Variants in CHD3 observed in about 807,000 individuals in gnomAD.
CHD3 encodes the protein ATP-dependent chromatin remodeler CHD3.
CHD3 carries 52 observed loss-of-function variants against 248.9 expected under a neutral mutation model. That is an observed-to-expected ratio of 0.21 (90% CI 0.17 to 0.26). CHD3 has a LOEUF of 0.26. Among genes scored for constraint, CHD3 ranks in the 10% least tolerant of loss-of-function variants. CHD3 has a pLI of 1.00. For synonymous variants in CHD3, 985 were observed against 985.2 expected (o/e 1.00, Z 0.00); for missense variants, 1,482 against 2,605.8 (o/e 0.57, Z 9.39).
At position 7,903,016 on chromosome 17, in the gene CHD3, T is replaced by C. The variant is rs538700531; in HGVS notation, c.3450T>C (p.Thr1150=). ...GCATCAATCTGGCCACTGCTGACAC[T>C]GTCATCATCTTTGATTCTGACTGGA... ...GLGINLATAD[T]VIIFDSDWNP... Residue 1150 remains threonine, a synonymous_variant, in exon 22 of 40, where the codon ACT becomes ACC. Transcript: ENST00000330494. This position sits in a 1 kb window ranked among gnomAD's most constrained non-coding sequence, Gnocchi z 6.8. 12 of 1,614,180 alleles carry C rather than the reference T, an allele frequency of 7.4e-6. No individual in the cohort carries two copies. Among genetic ancestry groups the C allele is most frequent in the African/African-American group, 5.3e-5 (4 of 75,038 alleles).
rs1597946261 is a variant in CHD3, at chr17:7,895,375, C to T, written c.1540C>T (p.His514Tyr). ...VLKGRVQKIL[H>Y]WRWGEPPVAV... ...GAAGGGTCGAGTGCAGAAGATCCTA[C>T]ATTGGCGGTGGGGGGAGCCACCTGT... is the stretch of plus-strand genomic sequence containing the variant. The change falls in exon 10 of 40, where the codon CAT becomes TAT. Residue 514 changes from histidine to tyrosine, a missense_variant. This residue lies in a region of CHD3 where 138 missense variants were observed against 241.1 expected (regional missense o/e 0.57). Coordinates refer to ENST00000330494, the MANE Select transcript of CHD3 (RefSeq NM_001005273.3). The surrounding 1 kb of genome is among the most constrained non-coding windows in gnomAD (Gnocchi z 4.9). The T allele has an allele frequency of 6.2e-7, 1 of 1,614,190 alleles. No homozygotes were observed. Among genetic ancestry groups the T allele is most frequent in the Non-Finnish European group, 8.5e-7 (1 of 1,180,028 alleles).
chr17:7,885,045 C>A (rs552066058), upstream of CHD3: 3 of 1,083,412 alleles, frequency 2.8e-6, no homozygotes, highest in Non-Finnish European at 1.1e-6. Context: ...CCGCCGCCGC[C>A]GCCACCGCTG....
In CHD3 at chr17:7,894,965, G is replaced by A. The variant is rs370479830; in HGVS notation, c.1318G>A (p.Glu440Lys). ...WEAKEEEEEYEEEGEEEGEKE... is the reference protein window; with the variant it reads ...WEAKEEEEEYKEEGEEEGEKE... ...GGCCAAGGAGGAAGAAGAAGAATAC[G>A]AAGAGGAGGGAGAGGAAGAAGGGGA... Residue 440 changes from glutamate (E) to lysine (K), a missense_variant, in exon 9 of 40, where the codon GAA becomes AAA. Transcript: ENST00000330494. The A allele has an allele frequency of 1.2e-5, 20 of 1,613,406 alleles. No homozygotes were observed. Among genetic ancestry groups the A allele is most frequent in the East Asian group, 2.2e-5 (1 of 44,868 alleles).
In CHD3 at chr17:7,910,632, G is replaced by A. The variant is rs1174318780; in HGVS notation, c.5754+41G>A. ...CCTAGCTCCAGTTTTCCCTGTTTGT[G>A]TTCCTCCTGCACACATACAAACACT... is the stretch of plus-strand genomic sequence containing the variant. On this transcript the variant is annotated intron_variant, in intron 38 of 39. Transcript: ENST00000330494. This position sits in a 1 kb window ranked among gnomAD's most constrained non-coding sequence, Gnocchi z 4.7. 1.3e-6 allele frequency: 2 copies of A among 1,587,168 alleles called. No homozygotes were observed. The highest frequency in any genetic ancestry group is 1.7e-6 in the Non-Finnish European group (2 of 1,168,462).
rs1165060633 is a variant in CHD3 at position 7,895,575 on chromosome 17, G to T, written c.1707+33G>T. On this transcript the variant is annotated intron_variant, in intron 10 of 39. Transcript: ENST00000330494. The surrounding 1 kb of genome is among the most constrained non-coding windows in gnomAD (Gnocchi z 4.9). Reference sequence around the variant, plus strand: ...GACCTTTTCTTTCCCTCTCCCCCATGACCTCATTTCCTGCCATCCTCTCCC... The same window carrying T: ...GACCTTTTCTTTCCCTCTCCCCCATTACCTCATTTCCTGCCATCCTCTCCC... 2 of 1,577,332 alleles carry T rather than the reference G, an allele frequency of 1.3e-6. No individual in the cohort carries two copies. Among genetic ancestry groups the T allele is most frequent in the East Asian group, 4.5e-5 (2 of 44,658 alleles).
chr17:7,893,557 A>G lies in CHD3; in HGVS notation c.781A>G (p.Lys261Glu). Residue 261 changes from lysine to glutamate, a missense_variant, in exon 5 of 40, where the codon AAA becomes GAA. Transcript: ENST00000330494. ...QPPPIRRAKT[K>E]EGKGPGHKRR... Reference sequence around the variant, plus strand: ...CCCACCCATCCGAAGAGCCAAAACCAAAGAGGGCAAAGGTAGGGAACTCTC... The same window carrying G: ...CCCACCCATCCGAAGAGCCAAAACCGAAGAGGGCAAAGGTAGGGAACTCTC... The G allele has an allele frequency of 6.4e-7, 1 of 1,554,744 alleles. No homozygotes were observed. The highest frequency in any genetic ancestry group is 8.7e-7 in the Non-Finnish European group (1 of 1,149,710).
At position 7,897,974 on chromosome 17, in the gene CHD3, G is replaced by A; in HGVS notation, c.1923G>A (p.Val641=). ...CCCATGGCCTCCTGCCCCACAGTGT[G>A]GATAAAAAGGGGAATTACCACTATC... ...MTVHRIINHS[V]DKKGNYHYLV... Residue 641 remains valine, a synonymous_variant, in exon 12 of 40, where the codon GTG becomes GTA. Coordinates refer to ENST00000330494, the MANE Select transcript of CHD3 (RefSeq NM_001005273.3). The surrounding 1 kb of genome is among the most constrained non-coding windows in gnomAD (Gnocchi z 4.8). 6.2e-7 allele frequency: 1 copy of A among 1,613,586 alleles called. No homozygotes were observed. Among genetic ancestry groups the A allele is most frequent in the Non-Finnish European group, 8.5e-7 (1 of 1,179,762 alleles).
upstream of CHD3, among the ~76,000 whole-genome samples, chr17:7,887,537 C>T (rs1280944996): frequency 6.6e-6 from 1 of 152,136 alleles, no homozygotes; most frequent in Non-Finnish European, 1.5e-5. Context: ...TCTGAAAATA[C>T]AAACCCACCC....
At chr17:7,891,989 CTG>C (rs1206333478) in intron 4 of CHD3, among the ~76,000 whole-genome samples, 1 of 152,100 alleles carries the variant, frequency 6.6e-6, no homozygotes, top group Non-Finnish European at 1.5e-5. Flanking sequence ...GGGCAAGTGA[CTG>C]AACTTCTTCA....
chr17:7,894,033 G>GGCCAAGGATCCA, intron 6 of CHD3, 82 bp from the exon 7 acceptor site: 1 of 1,594,346 alleles, frequency 6.3e-7, no homozygotes, highest in East Asian at 2.2e-5. Flanking sequence ...GATCCGTGAG[G>GGCCAAGGATCCA]GATGGCGGAA....
intron 5 of CHD3, 110 bp from the exon 6 acceptor site, chr17:7,893,695 C>CT: frequency 1.3e-6 from 2 of 1,532,804 alleles, no homozygotes; most frequent in Middle Eastern, 2.4e-4. Flanking sequence ...GGAAGTGGGG[C>CT]TTAGTGAAAC....
rs760765054 is a variant in CHD3 at position 7,910,823 on chromosome 17, A to G, written c.5755-24A>G. 1.9e-6 allele frequency: 3 copies of G among 1,583,474 alleles called. No homozygotes were observed. The highest frequency in any genetic ancestry group is 2.6e-6 in the Non-Finnish European group (3 of 1,169,008). On this transcript the variant is annotated intron_variant, in intron 38 of 39. Coordinates refer to ENST00000330494, the MANE Select transcript of CHD3 (RefSeq NM_001005273.3). This position sits in a 1 kb window ranked among gnomAD's most constrained non-coding sequence, Gnocchi z 4.7. ...TCTCACAGACTATGAACTAACTCCA[A>G]CTTCTGCTTCCTCTCTGTTCCAGGC...
Position 7,906,012 on chromosome 17 carries a change from T to C in CHD3, c.4358+23T>C. 1 of 1,612,732 alleles carries C rather than the reference T, an allele frequency of 6.2e-7. No individual in the cohort carries two copies. Among genetic ancestry groups the C allele is most frequent in the Non-Finnish European group, 8.5e-7 (1 of 1,179,060 alleles). On this transcript the variant is annotated intron_variant, in intron 28 of 39. Transcript: ENST00000330494. The surrounding 1 kb of genome is among the most constrained non-coding windows in gnomAD (Gnocchi z 5.0). ...TAAGTGAGTGTGGGTGATACAGGGC[T>C]GAGTTGGACGCAAGGGGAAGAGCTT...
rs756894673 is a variant in CHD3 at position 7,906,686 on chromosome 17, G to A, written c.4492G>A (p.Val1498Ile). 28 of 1,603,726 alleles carry A rather than the reference G, an allele frequency of 1.7e-5. No homozygotes were observed. The highest frequency in any genetic ancestry group is 1.7e-4 in the Middle Eastern group (1 of 6,018). The change falls in exon 29 of 40, where the codon GTC becomes ATC. Residue 1498 changes from valine to isoleucine, a missense_variant. Physicochemically the swap from Val to Ile is conservative, Grantham distance 29. Coordinates refer to ENST00000330494, the MANE Select transcript of CHD3 (RefSeq NM_001005273.3). The surrounding 1 kb of genome is among the most constrained non-coding windows in gnomAD (Gnocchi z 5.0). The part of the protein sequence containing the change: ...VLTRIGVMSL[V>I]KKKVQEFEHI... Reference sequence around the variant, plus strand: ...GACCCGCATTGGAGTCATGTCTCTCGTCAAAAAGAAGGTATCAGTCTTCCT... The same window carrying A: ...GACCCGCATTGGAGTCATGTCTCTCATCAAAAAGAAGGTATCAGTCTTCCT...
At position 7,894,237 on chromosome 17, in the gene CHD3, A is replaced by G. The variant is rs1315439299; in HGVS notation, c.1047A>G (p.Arg349=). Residue 349 remains arginine, a synonymous_variant, in exon 7 of 40, where the codon AGA becomes AGG. Coordinates refer to ENST00000330494, the MANE Select transcript of CHD3 (RefSeq NM_001005273.3). ...CTGTCCGCACCAAGAAACTAAAGAG[A>G]GGCCGGCCAGGAAGGAAGAAGAAGA... ...DGPVRTKKLK[R]GRPGRKKKKV... 6 of 1,614,008 alleles carry G rather than the reference A, an allele frequency of 3.7e-6. No individual in the cohort carries two copies. The highest frequency in any genetic ancestry group is 5.1e-6 in the Non-Finnish European group (6 of 1,180,004).
chr17:7,893,596 C>T (rs992536864), intron 5 of CHD3, 27 bp downstream of exon 5: 85 of 1,542,740 alleles, frequency 5.5e-5, no homozygotes, highest in Middle Eastern at 2.2e-4. Context: ...CAACAACTGT[C>T]ATCTCACCTT....
chr17:7,911,660 G>T lies in CHD3; in HGVS notation c.*75G>T. 6.2e-7 allele frequency: 1 copy of T among 1,606,628 alleles called. No individual in the cohort carries two copies. Among genetic ancestry groups the T allele is most frequent in the Non-Finnish European group, 8.5e-7 (1 of 1,176,044 alleles). ...CCCAGCTCAAGCGCTGGGGCCTGCT[G>T]CCAGCCCTCCACCTTCCCCACCCCT... On this transcript the variant is annotated 3_prime_UTR_variant, in exon 40 of 40. Coordinates refer to ENST00000330494, the MANE Select transcript of CHD3 (RefSeq NM_001005273.3). The surrounding 1 kb of genome is among the most constrained non-coding windows in gnomAD (Gnocchi z 5.4).
Position 7,911,182 on chromosome 17 carries a change from T to G in CHD3, c.5881+209T>G, listed in dbSNP as rs893096920. 1.3e-5 allele frequency among the ~76,000 whole-genome samples: 2 copies of G among 152,232 alleles called. No individual in the cohort carries two copies. Among genetic ancestry groups the G allele is most frequent in the Non-Finnish European group, 2.9e-5 (2 of 68,044 alleles). ...CCTTTATTAAAAACCAGAGTTTTAG[T>G]AGATCTGTGGCTTGGTGTCTTCTAC... On this transcript the variant is annotated intron_variant, in intron 39 of 39. Coordinates refer to ENST00000330494, the MANE Select transcript of CHD3 (RefSeq NM_001005273.3). This position sits in a 1 kb window ranked among gnomAD's most constrained non-coding sequence, Gnocchi z 5.4.
In CHD3 at chr17:7,909,101, C is replaced by T; in HGVS notation, c.5395-42C>T. ...CGCCCCCCCAGCCCCTCACCCACTG[C>T]TGGCAGAGCCCTACCTTCACCTCCC... On this transcript the variant is annotated intron_variant, in intron 36 of 39. Transcript: ENST00000330494. The surrounding 1 kb of genome is among the most constrained non-coding windows in gnomAD (Gnocchi z 8.1). The T allele has an allele frequency of 6.5e-7, 1 of 1,549,298 alleles. No individual in the cohort carries two copies. The highest frequency in any genetic ancestry group is 2.0e-5 in the Admixed American group (1 of 50,988).
Sources: allele counts gnomAD v4.1 joint callset (sites outside exome capture counted in the v4.1 genomes callset), GRCh38; gene constraint gnomAD v4.1.1; regional missense constraint gnomAD v4.1.1; non-coding constraint Gnocchi (gnomAD v3.1); transcripts MANE v1.5; gene names NCBI Gene and HGNC (gene_info 2026-07-23, HGNC 2026-07-21).